The following CACNA2D1 variants were observed in gnomAD, a reference collection of about 807,000 sequenced individuals.
CACNA2D1 encodes voltage-dependent calcium channel subunit alpha-2/delta-1.
Under a neutral mutation model 171.5 loss-of-function variants are expected in CACNA2D1, and 53 were observed. The observed-to-expected ratio is 0.31, with a 90% CI of 0.25 to 0.39. The LOEUF is 0.39. CACNA2D1 is among the 10% of genes least tolerant of loss of function. The pLI is 1.00. For synonymous variants in CACNA2D1, 442 were observed against 443.1 expected (o/e 1.00, Z 0.03); for missense variants, 903 against 1,299.8 (o/e 0.69, Z 4.69).
At chr7:82,042,369 G>A (rs1374063765) in intron 10 of CACNA2D1, among the ~76,000 whole-genome samples, 1 of 152,148 alleles carries the variant, frequency 6.6e-6, no homozygotes, top group African/African-American at 2.4e-5. Flanking sequence ...GAGCAAAAGT[G>A]TAATAGCAAA....
At chr7:81,976,375 C>T (rs1795844005) in intron 24 of CACNA2D1, among the ~76,000 whole-genome samples, 1 of 152,144 alleles carries the variant, frequency 6.6e-6, no homozygotes, top group South Asian at 2.1e-4. Flanking sequence ...TATCCATGAG[C>T]ATGGAATGTT....
Position 82,357,204 on chromosome 7 carries a change from A to G in CACNA2D1, c.96-7555T>C, listed in dbSNP as rs76276864. 5.3e-4 allele frequency among the ~76,000 whole-genome samples: 81 copies of G among 152,270 alleles called. No individual in the cohort carries two copies. The East Asian group carries it at 0.011, about 21-fold the overall frequency. ...TCCTTTCAAGGTTGGATTTGTCTGT[A>G]ATGTGGCTTTCAAAAGAGTAGTGCA... is the stretch of plus-strand genomic sequence containing the variant. On this transcript the variant is annotated intron_variant, in intron 1 of 38. Transcript: ENST00000356860.
intron 16 of CACNA2D1, among the ~76,000 whole-genome samples, chr7:82,006,742 T>C (rs951293572): frequency 6.6e-6 from 1 of 152,094 alleles, no homozygotes; most frequent in Non-Finnish European, 1.5e-5. Context: ...GTTACTCTTT[T>C]ATGAGTTACA....
At chr7:82,258,630 C>T (rs1163542931) in intron 3 of CACNA2D1, among the ~76,000 whole-genome samples, 1 of 152,070 alleles carries the variant, frequency 6.6e-6, no homozygotes, top group African/African-American at 2.4e-5. Flanking sequence ...AATACATCAC[C>T]AAGAAAGCTC....
At chr7:82,401,898 C>T (rs570179607) in intron 1 of CACNA2D1, among the ~76,000 whole-genome samples, 24 of 152,036 alleles carry the variant, frequency 1.6e-4, no homozygotes, top group African/African-American at 5.5e-4. Flanking sequence ...TTAGTATTTA[C>T]ATGCATAAGA....
intron 3 of CACNA2D1, among the ~76,000 whole-genome samples, chr7:82,217,394 C>CATACATATATATAT (rs1554466924): frequency 2.0e-5 from 2 of 102,546 alleles, no homozygotes; most frequent in African/African-American, 5.5e-5. Context: ...CACACACATA[C>CATACATATATATAT]ATATATATAT....
intron 28 of CACNA2D1, 49 bp from the exon 29 acceptor site, chr7:81,969,022 A>C: frequency 9.7e-7 from 1 of 1,031,828 alleles, no homozygotes; most frequent in Non-Finnish European, 1.5e-6. Flanking sequence ...ATATTGAATA[A>C]TAATATTGAT....
chr7:82,282,186 T>C (rs1376338593), intron 3 of CACNA2D1, among the ~76,000 whole-genome samples: 2 of 152,124 alleles, frequency 1.3e-5, no homozygotes, highest in Non-Finnish European at 2.9e-5. Flanking sequence ...TAGTCCCAGC[T>C]ACTTCGGAGG....
chr7:82,026,423 T>G (rs1185178432), intron 12 of CACNA2D1, among the ~76,000 whole-genome samples: 1 of 151,816 alleles, frequency 6.6e-6, no homozygotes, highest in Non-Finnish European at 1.5e-5. Flanking sequence ...AAAAAGTTTT[T>G]TTAAAAAGTT....
chr7:82,011,585 A>T (rs1285843674), intron 15 of CACNA2D1, among the ~76,000 whole-genome samples: 1 of 152,190 alleles, frequency 6.6e-6, no homozygotes, highest in Non-Finnish European at 1.5e-5. Flanking sequence ...CGCCTCAATG[A>T]CGTATTTCCA....
chr7:82,085,489 G>A lies in CACNA2D1; in HGVS notation c.527-589C>T, dbSNP rs557347963. ...AGTAATCAACTATTGATGACTCTCT[G>A]CGGCAGAGCAACATAAATTAGCCTG... On this transcript the variant is annotated intron_variant, in intron 6 of 38. Coordinates refer to ENST00000356860, the MANE Select transcript of CACNA2D1 (RefSeq NM_000722.4). Among the ~76,000 whole-genome samples the A allele has an allele frequency of 2.0e-5, 3 of 150,644 alleles. No homozygotes were observed. In the East Asian group the frequency reaches 5.9e-4, roughly 29 times the overall value.
At chr7:82,403,790 C>A (rs1826723201) in intron 1 of CACNA2D1, among the ~76,000 whole-genome samples, 1 of 152,148 alleles carries the variant, frequency 6.6e-6, no homozygotes, top group African/African-American at 2.4e-5. Context: ...CCTCAATCTC[C>A]TTCCAAGGCT....
intron 6 of CACNA2D1, among the ~76,000 whole-genome samples, chr7:82,106,783 G>C (rs145065648): frequency 5.3e-5 from 8 of 152,192 alleles, no homozygotes; most frequent in Admixed American, 2.0e-4. Context: ...AGAAGTACTT[G>C]TGGAAAAATA....
chr7:82,007,506 T>C (rs1799250866), intron 16 of CACNA2D1, among the ~76,000 whole-genome samples, 173 bp downstream of exon 16: 1 of 152,190 alleles, frequency 6.6e-6, no homozygotes, highest in East Asian at 1.9e-4. Context: ...GAGTTTGACC[T>C]GCATTTCCTT....
At chr7:81,997,314 A>C in intron 18 of CACNA2D1, 64 bp from the exon 19 acceptor site, 2 of 1,039,952 alleles carry the variant, frequency 1.9e-6, no homozygotes, top group Non-Finnish European at 3.0e-6. Context: ...TGTATAAAAC[A>C]ATTTAACGGG....
chr7:82,122,491 C>G (rs370877839), intron 5 of CACNA2D1, among the ~76,000 whole-genome samples: 1 of 152,018 alleles, frequency 6.6e-6, no homozygotes, highest in Non-Finnish European at 1.5e-5. Context: ...GGGAGTAAGG[C>G]GAGCCATTAG....
At chr7:82,270,456 TG>T (rs1293642233) in intron 3 of CACNA2D1, among the ~76,000 whole-genome samples, 2 of 152,184 alleles carry the variant, frequency 1.3e-5, no homozygotes, top group Non-Finnish European at 2.9e-5. Flanking sequence ...CAGTTTTCTG[TG>T]TATGTATACA....
intron 15 of CACNA2D1, among the ~76,000 whole-genome samples, chr7:82,008,182 T>C (rs1475600401): frequency 2.0e-5 from 3 of 152,132 alleles, no homozygotes; most frequent in Non-Finnish European, 2.9e-5. Flanking sequence ...GCCTTATTCT[T>C]TATTTTTTAT....
chr7:82,277,579 G>C (rs529098527), intron 3 of CACNA2D1, among the ~76,000 whole-genome samples: 1 of 152,164 alleles, frequency 6.6e-6, no homozygotes, highest in African/African-American at 2.4e-5. Flanking sequence ...CCATGAATGT[G>C]ATTGCCTTAG....
Sources: gnomAD v4.1 joint callset for allele counts (sites outside exome capture counted in the v4.1 genomes callset) on GRCh38, gnomAD v4.1.1 for gene constraint, MANE v1.5 for transcripts, NCBI Gene and HGNC (gene_info 2026-07-23, HGNC 2026-07-21) for gene names.